MAST3: variants seen among roughly 807,000 people sequenced by gnomAD.
MAST3 encodes microtubule associated serine/threonine kinase 3.
MAST3 carries 43 observed loss-of-function variants against 127.0 expected under a neutral mutation model. That is an observed-to-expected ratio of 0.34 (90% CI 0.27 to 0.44). The LOEUF (loss-of-function observed/expected upper bound fraction) is 0.44, where lower values mean the gene tolerates loss of function less well. MAST3 is among the 20% of genes least tolerant of loss of function. The pLI is 1.00. For synonymous variants in MAST3, 785 were observed against 809.2 expected, an observed-to-expected ratio of 0.97 and a Z score of 0.51; for missense variants, 1,390 against 1,919.1, an observed-to-expected ratio of 0.72 and a Z score of 5.15.
rs1024224204 is a variant in MAST3, at chr19:18,097,799, G to C, written c.7G>C (p.Glu3Gln). The C allele has an allele frequency of 5.7e-6, 7 of 1,223,126 alleles. No homozygotes were observed. The highest frequency in any genetic ancestry group is 5.1e-6 in the Non-Finnish European group (5 of 982,700). The allele number at this position is 1,223,126 out of a possible 1,614,324, so 75.8% of individuals were successfully genotyped here. ...CGGCGCGGACTCCCGGGCCATGGAC[G>C]AGTCGAGCCTCCTGCGGCGCCGCGG... is the stretch of plus-strand genomic sequence containing the variant. Reference protein sequence around the residue: MDESSLLRRRGLQ... With the variant: MDQSSLLRRRGLQ... Residue 3 changes from glutamate (E) to glutamine (Q), a missense_variant, in exon 1 of 28, where the codon GAG (glutamate) becomes CAG (glutamine). Transcript: ENST00000687212.
Position 18,130,624 on chromosome 19 carries a change from G to A in MAST3, c.1354G>A (p.Glu452Lys), listed in dbSNP as rs2041171786. The change falls in exon 14 of 28, where the codon GAG becomes AAG. Residue 452 changes from glutamate (E) to lysine (K), a missense_variant. By Grantham distance (56) the Glu-to-Lys change is moderately conservative. Transcript: ENST00000687212. ...GGAGCGTGACATTCTCACCTTTGCC[G>A]AGAACCCCTTTGTGGTCAGCATGTT... ...FVERDILTFA[E>K]NPFVVSMFCS... 1 of 1,614,012 alleles carries A rather than the reference G, an allele frequency of 6.2e-7. No individual in the cohort carries two copies.
rs1455701676 is a variant in MAST3 at position 18,099,188 on chromosome 19, AG to A, written c.39+1359del. On this transcript the variant is annotated intron_variant, in intron 1 of 27. Coordinates refer to ENST00000687212, the MANE Select transcript of MAST3 (RefSeq NM_001393504.1). ...GTAGCTGCGGGACTGCGAACTCAGC[AG>A]GTGATGGGAAGCCAGGTCGGGAGTG... Among the ~76,000 whole-genome samples the A allele has an allele frequency of 4.0e-5, 6 of 151,556 alleles. No individual in the cohort carries two copies. The East Asian group carries it at 1.2e-3, about 29-fold the overall frequency.
intron 1 of MAST3, among the ~76,000 whole-genome samples, chr19:18,107,175 T>G (rs1249278983): frequency 6.6e-6 from 1 of 151,880 alleles, no homozygotes; most frequent in Non-Finnish European, 1.5e-5. Context: ...TGTTGCCCAA[T>G]CTGGCTTAAA....
rs368021998 is a variant in MAST3 at position 18,123,639 on chromosome 19, G to C, written c.617G>C (p.Arg206Pro). The C allele has an allele frequency of 3.2e-6, 5 of 1,586,174 alleles. No homozygotes were observed. In the African/African-American group the frequency reaches 5.4e-5, roughly 17 times the overall value. Residue 206 changes from arginine to proline, a missense_variant, in exon 8 of 28, where the codon CGG becomes CCG. By Grantham distance (103) the Arg-to-Pro change is moderately radical. Transcript: ENST00000687212. ...NEIVMMNHVY[R>P]ERFPKATAQM... ...ATTGTCATGATGAATCACGTGTACC[G>C]GGAGAGGTTCCCCAAGGTGGGCAGC...
intron 1 of MAST3, among the ~76,000 whole-genome samples, chr19:18,099,400 A>G (rs972382404): frequency 6.6e-6 from 1 of 151,716 alleles, no homozygotes; most frequent in African/African-American, 2.4e-5. Flanking sequence ...CTCCAGCCCC[A>G]GTTAGATGCC....
At chr19:18,097,963 C>A in intron 1 of MAST3, 132 bp downstream of exon 1, 4 of 715,146 alleles carry the variant, frequency 5.6e-6, no homozygotes, top group South Asian at 1.4e-4. Context: ...ACGCTCAGAT[C>A]GCTTCTTTTT....
In MAST3 at chr19:18,122,816, G is replaced by C. The variant is rs2040158474; in HGVS notation, c.399+65G>C. Reference sequence around the variant, plus strand: ...CCGGGTTGTGGGGGGACACATCTTTGTGTGTTTTTTTCAAGGTGTTGGATA... The same window carrying C: ...CCGGGTTGTGGGGGGACACATCTTTCTGTGTTTTTTTCAAGGTGTTGGATA... On this transcript the variant is annotated intron_variant, in intron 6 of 27. Transcript: ENST00000687212. The C allele has an allele frequency of 2.3e-5, 34 of 1,506,986 alleles. 1 individual carries two copies. The South Asian group carries it at 3.6e-4, about 16-fold the overall frequency. 93.4% of individuals were successfully genotyped at this position (1,506,986 alleles called of 1,614,324 possible).
chr19:18,146,796 G>A (rs920311937), intron 25 of MAST3, 85 bp from the exon 26 acceptor site: 21 of 1,347,240 alleles, frequency 1.6e-5, no homozygotes, highest in Admixed American at 5.2e-5. Flanking sequence ...GCTGGTGCCC[G>A]GAGTGAAGGG....
chr19:18,118,069 C>T (rs1209124908), intron 3 of MAST3: 5 of 984,552 alleles, frequency 5.1e-6, no homozygotes, highest in South Asian at 4.7e-5. Flanking sequence ...GTGCGCCCCC[C>T]TCCCTGTCCG....
rs1210708059 is a variant in MAST3 at position 18,149,071 on chromosome 19, G to T, written c.3509-120G>T. The T allele has an allele frequency of 9.1e-7, 1 of 1,096,710 alleles. No homozygotes were observed. Among genetic ancestry groups the T allele is most frequent in the East Asian group, 3.2e-5 (1 of 31,052 alleles). The allele number at this position is 1,096,710 out of a possible 1,614,324, so 67.9% of individuals were successfully genotyped here. On this transcript the variant is annotated intron_variant, in intron 27 of 27. Coordinates refer to ENST00000687212, the MANE Select transcript of MAST3 (RefSeq NM_001393504.1). This position sits in a 1 kb window ranked among gnomAD's most constrained non-coding sequence, Gnocchi z 5.9. ...CTGTCTCAAAAACAAAAACAACCAG[G>T]CATGATGGGTGGCCACATGGAAGGA... is the stretch of plus-strand genomic sequence containing the variant.
At chr19:18,124,829 G>T in intron 11 of MAST3, 55 bp downstream of exon 11, 1 of 1,534,832 alleles carries the variant, frequency 6.5e-7, no homozygotes, top group Non-Finnish European at 8.8e-7. Flanking sequence ...ATGGAGGCCA[G>T]GCACGGTGGC....
Position 18,123,971 on chromosome 19 carries a change from G to A in MAST3, c.666G>A (p.Glu222=), listed in dbSNP as rs370057215. The change falls in exon 9 of 28, where the codon GAG becomes GAA. Residue 222 remains glutamate (E), a synonymous_variant. Coordinates refer to ENST00000687212, the MANE Select transcript of MAST3 (RefSeq NM_001393504.1). ...CACAGATGGAGGGCCGTCTGCAGGA[G>A]TTCCTGACGGCCTACGCGCCCGGCG... The part of the protein sequence containing the change: ...ATAQMEGRLQ[E]FLTAYAPGAR... The A allele has an allele frequency of 1.5e-5, 24 of 1,580,144 alleles. No individual in the cohort carries two copies. The East Asian group carries it at 4.2e-4, about 28-fold the overall frequency.
chr19:18,123,150 G>T, intron 6 of MAST3, 67 bp from the exon 7 acceptor site: 1 of 1,568,318 alleles, frequency 6.4e-7, no homozygotes, highest in African/African-American at 1.3e-5. Flanking sequence ...TTGAGGGGTG[G>T]TGCTGGGTTC....
intron 11 of MAST3, among the ~76,000 whole-genome samples, chr19:18,125,665 C>T (rs184110557): frequency 6.8e-6 from 1 of 148,036 alleles, no homozygotes; most frequent in Non-Finnish European, 1.5e-5. Context: ...CATTTGAACC[C>T]TGGAGGCGGA....
At position 18,131,977 on chromosome 19, in the gene MAST3, G is replaced by C; in HGVS notation, c.1501G>C (p.Ala501Pro). 1 of 1,614,096 alleles carries C rather than the reference G, an allele frequency of 6.2e-7. No homozygotes were observed. The highest frequency in any genetic ancestry group is 8.5e-7 in the Non-Finnish European group (1 of 1,180,010). ...LPVDMARLYFAETVLALEYLH... is the reference protein window; with the variant it reads ...LPVDMARLYFPETVLALEYLH... ...CGTGGACATGGCCCGCCTGTACTTC[G>C]CCGAGACGGTGTTGGCGCTGGAGTA... The change falls in exon 15 of 28, where the codon GCC becomes CCC. Residue 501 changes from alanine (A) to proline (P), a missense_variant. Transcript: ENST00000687212.
chr19:18,121,776 G>A lies in MAST3; in HGVS notation c.250+3G>A, dbSNP rs369248468. ...GTCGCCATTGTCGGTCCCAACGGGT[G>A]AGTGTGGGAGCAGCCAGCGGGTGCT... On this transcript the variant is annotated splice_donor_region_variant and intron_variant, in intron 4 of 27. Transcript: ENST00000687212. 6.2e-7 allele frequency: 1 copy of A among 1,613,892 alleles called. No homozygotes were observed. The highest frequency in any genetic ancestry group is 1.3e-5 in the African/African-American group (1 of 74,956).
At chr19:18,106,401 G>A (rs2146863720) in intron 1 of MAST3, among the ~76,000 whole-genome samples, 1 of 151,830 alleles carries the variant, frequency 6.6e-6, no homozygotes, top group African/African-American at 2.4e-5. Flanking sequence ...ACCACGCCCA[G>A]CTAATTTTTG....
At position 18,149,417 on chromosome 19, in the gene MAST3, G is replaced by A; in HGVS notation, c.3735G>A (p.Gly1245=). ...CCCGCTCGCCCTCGCCCCTGCCCGG[G>A]CACCCGCCCGCACCTGCCCGATCCC... ...PPPRSPSPLP[G]HPPAPARSPR... is the part of the protein sequence containing the mutation. The change falls in exon 28 of 28, where the codon GGG becomes GGA. Residue 1245 remains glycine (G), a synonymous_variant. Coordinates refer to ENST00000687212, the MANE Select transcript of MAST3 (RefSeq NM_001393504.1). This position sits in a 1 kb window ranked among gnomAD's most constrained non-coding sequence, Gnocchi z 5.9. 6.8e-7 allele frequency: 1 copy of A among 1,463,448 alleles called. No homozygotes were observed. The highest frequency in any genetic ancestry group is 9.0e-7 in the Non-Finnish European group (1 of 1,116,132). 90.7% of individuals were successfully genotyped at this position (1,463,448 alleles called of 1,614,324 possible). A position where few individuals can be genotyped will look rare whatever the true frequency, so the allele number is the denominator to read the frequency against.
In MAST3 at chr19:18,149,173, T is replaced by C; in HGVS notation, c.3509-18T>C. On this transcript the variant is annotated intron_variant, in intron 27 of 27. Coordinates refer to ENST00000687212, the MANE Select transcript of MAST3 (RefSeq NM_001393504.1). This position sits in a 1 kb window ranked among gnomAD's most constrained non-coding sequence, Gnocchi z 5.9. ...GACATTGAGGCCAGCAGCCCTGACC[T>C]ACGCTTATCACCCACAGATACCACT... is the stretch of plus-strand genomic sequence containing the variant. The C allele has an allele frequency of 1.3e-6, 2 of 1,483,834 alleles. No homozygotes were observed. The highest frequency in any genetic ancestry group is 1.4e-5 in the South Asian group (1 of 73,138). 91.9% of individuals were successfully genotyped at this position (1,483,834 alleles called of 1,614,324 possible). A position where few individuals can be genotyped will look rare whatever the true frequency, so the allele number is the denominator to read the frequency against.
Sources: gnomAD v4.1 joint callset for allele counts (sites outside exome capture counted in the v4.1 genomes callset) on GRCh38, gnomAD v4.1.1 for gene constraint, Gnocchi (gnomAD v3.1) non-coding constraint, MANE v1.5 for transcripts, NCBI Gene and HGNC (gene_info 2026-07-23, HGNC 2026-07-21) for gene names.